Variants in FNDC1 observed in about 807,000 individuals in gnomAD.
FNDC1 encodes fibronectin type III domain containing 1.
FNDC1 carries 96 observed loss-of-function variants against 168.0 expected under a neutral mutation model. That is an observed-to-expected ratio of 0.57 (90% confidence interval 0.48 to 0.68). FNDC1 has a LOEUF of 0.68. Among genes scored for constraint, FNDC1 ranks in the 30% least tolerant of loss-of-function variants. The pLI is 0.00. For synonymous variants in FNDC1, 1,099 were observed against 1,025.9 expected (o/e 1.07, Z -1.36); for missense variants, 2,587 against 2,482.1 (o/e 1.04, Z -0.90).
At chr6:159,195,554 T>C (rs1411292438) in intron 1 of FNDC1, among the ~76,000 whole-genome samples, 4 of 152,160 alleles carry the variant, frequency 2.6e-5, no homozygotes, top group Admixed American at 2.6e-4. Flanking sequence ...AGCTGGGCTT[T>C]GGAGTTGGGC....
At chr6:159,271,186 G>T in intron 22 of FNDC1, 141 bp from the exon 23 acceptor site, 1 of 626,456 alleles carries the variant, frequency 1.6e-6, no homozygotes, top group East Asian at 3.1e-5. Flanking sequence ...ACACAAAAAT[G>T]GTTCAGTTTA....
At chr6:159,263,611 A>G (rs796838046) in intron 19 of FNDC1, among the ~76,000 whole-genome samples, 63 of 152,118 alleles carry the variant, frequency 4.1e-4, no homozygotes, top group African/African-American at 1.4e-3. Context: ...AAATACAAAA[A>G]ATTAGCCAGG....
In FNDC1 at chr6:159,247,095, G is replaced by A. The variant is rs150731673; in HGVS notation, c.4690+126G>A. ...AGAGCTTTGGGCCGGTGGCAATGCC[G>A]AGGGCTGGCTTAGGGAAGGGTGGTT... On this transcript the variant is annotated intron_variant, in intron 15 of 22. Transcript: ENST00000297267. 1.2e-4 allele frequency: 84 copies of A among 729,120 alleles called. 1 individual carries two copies. The African/African-American group carries it at 1.3e-3, about 11-fold the overall frequency. The allele number at this position is 729,120 out of a possible 1,614,324, so 45.2% of individuals were successfully genotyped here. A position where few individuals can be genotyped will look rare whatever the true frequency, so the allele number is the denominator to read the frequency against.
intron 20 of FNDC1, 118 bp from the exon 21 acceptor site, chr6:159,265,966 A>G (rs540730159): frequency 1.9e-6 from 2 of 1,053,018 alleles, no homozygotes; most frequent in East Asian, 2.6e-5. Flanking sequence ...AAACAAACAA[A>G]CAAAAAGCCC....
intron 12 of FNDC1, 143 bp downstream of exon 12, chr6:159,236,458 G>C: frequency 1.6e-6 from 1 of 606,494 alleles, no homozygotes. Flanking sequence ...CTTGTATAGA[G>C]TTTATTTTAA....
At chr6:159,244,803 T>C (rs1783504100) in intron 14 of FNDC1, among the ~76,000 whole-genome samples, 1 of 152,234 alleles carries the variant, frequency 6.6e-6, no homozygotes, top group Admixed American at 6.5e-5. Flanking sequence ...CTTTTTGCTG[T>C]CTTTTACCAT....
intron 4 of FNDC1, among the ~76,000 whole-genome samples, chr6:159,204,793 G>C (rs990949121): frequency 1.3e-5 from 2 of 152,210 alleles, no homozygotes; most frequent in African/African-American, 4.8e-5. Context: ...CCTCAGTGCT[G>C]CTTGGCCACT....
intron 17 of FNDC1, among the ~76,000 whole-genome samples, chr6:159,252,339 A>G (rs985497947): frequency 6.6e-6 from 1 of 152,084 alleles, no homozygotes. Context: ...CTCTGCCATT[A>G]TTGTGCTAGT....
In FNDC1 at chr6:159,239,842, C is replaced by T. The variant is rs898114596; in HGVS notation, c.4506C>T (p.Thr1502=). ...CTACGCGGACAACCACCACCACCAC[C>T]CCCACACCCACCACTCCCATCCCCA... The part of the protein sequence containing the change: ...RTTTRTTTTT[T]PTPTTPIPTC... The change falls in exon 14 of 23, where the codon ACC becomes ACT. Residue 1502 remains threonine, a synonymous_variant. Transcript: ENST00000297267. The T allele has an allele frequency of 1.3e-6, 2 of 1,545,996 alleles. No homozygotes were observed. The highest frequency in any genetic ancestry group is 1.4e-5 in the African/African-American group (1 of 72,900).
At chr6:159,203,380 T>C (rs1038992883) in intron 4 of FNDC1, among the ~76,000 whole-genome samples, 3 of 152,060 alleles carry the variant, frequency 2.0e-5, no homozygotes, top group African/African-American at 7.2e-5. Flanking sequence ...TAAGAGACTG[T>C]GAGGGTGAAG....
Position 159,214,942 on chromosome 6 carries a change from A to G in FNDC1, c.461-3A>G, listed in dbSNP as rs1326285998. 1.9e-6 allele frequency: 3 copies of G among 1,613,580 alleles called. No individual in the cohort carries two copies. Among genetic ancestry groups the G allele is most frequent in the Non-Finnish European group, 2.5e-6 (3 of 1,179,728 alleles). Reference sequence around the variant, plus strand: ...ACCACTTTTGTGTCCTGCCCTCTTTAAGAAAAGGAAGTGCCCAACAAGCCC... The same window carrying G: ...ACCACTTTTGTGTCCTGCCCTCTTTGAGAAAAGGAAGTGCCCAACAAGCCC... On this transcript the variant is annotated splice_region_variant and splice_polypyrimidine_tract_variant and intron_variant, in intron 4 of 22. Transcript: ENST00000297267.
rs761535434 is a variant in FNDC1 at position 159,225,694 on chromosome 6, G to A, written c.1044G>A (p.Thr348=). Residue 348 remains threonine, a synonymous_variant, in exon 8 of 23, where the codon ACG becomes ACA. Transcript: ENST00000297267. ...SQGERDGKWS[T]SVFQRTPESA... is the part of the protein sequence containing the mutation. ...GTGAAAGAGATGGCAAATGGAGTACGTCAGTCTTCCAAAGAACACCAGAAT... is the reference window on the plus strand; with the variant it reads ...GTGAAAGAGATGGCAAATGGAGTACATCAGTCTTCCAAAGAACACCAGAAT... 48 of 1,611,782 alleles carry A rather than the reference G, an allele frequency of 3.0e-5. No individual in the cohort carries two copies. The highest frequency in any genetic ancestry group is 1.6e-4 in the Middle Eastern group (1 of 6,076).
In FNDC1 at chr6:159,211,853, C is replaced by T. The variant is rs141634911; in HGVS notation, c.461-3092C>T. 5.1e-3 allele frequency among the ~76,000 whole-genome samples: 773 copies of T among 152,282 alleles called. 4 individuals carry two copies. Among genetic ancestry groups the T allele is most frequent in the Middle Eastern group, 0.017 (5 of 294 alleles). ...TAAGCCACATAGCCTGTAATAGATT[C>T]GATTCAGACTTTGACTTCAGAGCCT... On this transcript the variant is annotated intron_variant, in intron 4 of 22. Transcript: ENST00000297267.
chr6:159,207,108 C>A (rs763094687), intron 4 of FNDC1, among the ~76,000 whole-genome samples: 7 of 152,190 alleles, frequency 4.6e-5, no homozygotes, highest in African/African-American at 7.2e-5. Flanking sequence ...GGCACCCCCC[C>A]ACCCCAGCAG....
At chr6:159,194,439 A>G (rs945442438) in intron 1 of FNDC1, among the ~76,000 whole-genome samples, 4 of 152,246 alleles carry the variant, frequency 2.6e-5, no homozygotes, top group African/African-American at 7.2e-5. Context: ...CAAAGATTCT[A>G]TGATTCATTT....
At chr6:159,238,222 T>A (rs894785478) in intron 12 of FNDC1, among the ~76,000 whole-genome samples, 1 of 151,922 alleles carries the variant, frequency 6.6e-6, no homozygotes, top group Non-Finnish European at 1.5e-5. Flanking sequence ...CTCAGCCTCC[T>A]GAGTAGCTGG....
At chr6:159,197,118 A>C (rs1402472507) in intron 1 of FNDC1, among the ~76,000 whole-genome samples, 1 of 152,218 alleles carries the variant, frequency 6.6e-6, no homozygotes, top group East Asian at 1.9e-4. Context: ...CAAATTACTG[A>C]TTTGTTATTC....
At chr6:159,189,101 G>A (rs1782073821) in intron 1 of FNDC1, among the ~76,000 whole-genome samples, 2 of 152,114 alleles carry the variant, frequency 1.3e-5, no homozygotes, top group South Asian at 4.1e-4. Context: ...TAGCCCATCG[G>A]GGTCTGACTA....
At chr6:159,206,148 C>G (rs78568379) in intron 4 of FNDC1, among the ~76,000 whole-genome samples, 2,122 of 152,326 alleles carry the variant, frequency 0.014, 48 homozygotes, top group African/African-American at 0.049. Flanking sequence ...AAGGGCTCCA[C>G]CAGATATTTC....
Sources: gnomAD v4.1 joint callset for allele counts (sites outside exome capture counted in the v4.1 genomes callset) on GRCh38, gnomAD v4.1.1 for gene constraint, MANE v1.5 for transcripts, NCBI Gene and HGNC (gene_info 2026-07-23, HGNC 2026-07-21) for gene names.